Variants in CBL observed in about 807,000 individuals in gnomAD.
The protein encoded by CBL is Cbl proto-oncogene, also known as E3 ubiquitin-protein ligase CBL.
Under a neutral mutation model 96.9 loss-of-function variants are expected in CBL, and 45 were observed. That is an observed-to-expected ratio of 0.46 (90% confidence interval 0.37 to 0.60). CBL has a LOEUF of 0.60. Among genes scored for constraint, CBL ranks in the 20% least tolerant of loss-of-function variants. The probability of loss-of-function intolerance (pLI) is 0.00; values close to 1 mark genes in which losing one functional copy is unlikely to be tolerated. For missense variants in CBL, 1,024 were observed against 1,143.5 expected (o/e 0.90, Z 1.51); for synonymous variants, 420 against 426.8 (o/e 0.98, Z 0.20).
At position 119,285,675 on chromosome 11, in the gene CBL, C is replaced by T. The variant is rs1043158114; in HGVS notation, c.1941+109C>T. The T allele has an allele frequency of 1.5e-5, 19 of 1,259,452 alleles. No individual in the cohort carries two copies. The East Asian group carries it at 2.0e-4, about 13-fold the overall frequency. The allele number at this position is 1,259,452 out of a possible 1,614,324, so 78.0% of individuals were successfully genotyped here. A position where few individuals can be genotyped will look rare whatever the true frequency, so the allele number is the denominator to read the frequency against. On this transcript the variant is annotated intron_variant, in intron 11 of 15. Transcript: ENST00000264033. Reference sequence around the variant, plus strand: ...ATTTGGGAGGCCAAGGTGGGTGGATCGCTTGAGCCGAGGATTTCGAGACCA... The same window carrying T: ...ATTTGGGAGGCCAAGGTGGGTGGATTGCTTGAGCCGAGGATTTCGAGACCA...
chr11:119,283,373 C>T (rs571703892), intron 9 of CBL, among the ~76,000 whole-genome samples: 2 of 152,014 alleles, frequency 1.3e-5, no homozygotes, highest in Non-Finnish European at 2.9e-5. Context: ...GCACTAATAA[C>T]ATGACTAAAT....
chr11:119,246,606 C>T (rs1026612559), intron 2 of CBL, among the ~76,000 whole-genome samples: 1 of 152,152 alleles, frequency 6.6e-6, no homozygotes, highest in Non-Finnish European at 1.5e-5. Context: ...CGTGTGCCAC[C>T]ACACCTGGCT....
intron 2 of CBL, among the ~76,000 whole-genome samples, chr11:119,235,694 C>T (rs550352564): frequency 3.9e-5 from 6 of 152,236 alleles, no homozygotes; most frequent in African/African-American, 1.2e-4. Context: ...ATAAGTGAAT[C>T]CACACAGTTA....
At chr11:119,257,949 G>A (rs562190969) in intron 2 of CBL, among the ~76,000 whole-genome samples, 3 of 152,228 alleles carry the variant, frequency 2.0e-5, no homozygotes, top group Admixed American at 1.3e-4. Context: ...ACTTGTGGCC[G>A]GGTGCTGTGG....
intron 12 of CBL, among the ~76,000 whole-genome samples, chr11:119,294,048 C>G (rs1265628678): frequency 1.3e-5 from 2 of 152,194 alleles, no homozygotes; most frequent in Non-Finnish European, 2.9e-5. Flanking sequence ...TGTCTTCTTT[C>G]TTTTAAAGCA....
intron 15 of CBL, 73 bp from the exon 16 acceptor site, chr11:119,299,422 G>A (rs913983971): frequency 1.5e-6 from 2 of 1,363,920 alleles, no homozygotes; most frequent in Non-Finnish European, 2.1e-6. Context: ...CTTGATATTA[G>A]CACATTTTTA....
intron 2 of CBL, among the ~76,000 whole-genome samples, chr11:119,244,102 C>T (rs147749042): frequency 6.6e-6 from 1 of 152,112 alleles, no homozygotes; most frequent in African/African-American, 2.4e-5. Context: ...AAGAACAGTT[C>T]TGAAAATTTT....
intron 3 of CBL, 60 bp downstream of exon 3, chr11:119,271,941 T>C: frequency 6.7e-7 from 1 of 1,486,436 alleles, no homozygotes; most frequent in Admixed American, 1.7e-5. Flanking sequence ...GTTTTTTCTT[T>C]ACTTTTTTAC....
chr11:119,293,383 C>T (rs1032769099), intron 12 of CBL, among the ~76,000 whole-genome samples: 1 of 152,166 alleles, frequency 6.6e-6, no homozygotes, highest in African/African-American at 2.4e-5. Flanking sequence ...GCTGGGATTA[C>T]AGACGTGAGC....
chr11:119,234,205 C>T (rs888959166), intron 2 of CBL, among the ~76,000 whole-genome samples: 1 of 152,122 alleles, frequency 6.6e-6, no homozygotes, highest in Admixed American at 6.6e-5. Flanking sequence ...TGGTGTTTTG[C>T]CATGTTGGCA....
Position 119,248,925 on chromosome 11 carries a change from A to G in CBL, c.443+16230A>G, listed in dbSNP as rs149230800. Reference sequence around the variant, plus strand: ...TAAGGAAATGCAAATCAAAACCACAATGAGATACCACTTCACAGCTGTTAG... The same window carrying G: ...TAAGGAAATGCAAATCAAAACCACAGTGAGATACCACTTCACAGCTGTTAG... On this transcript the variant is annotated intron_variant, in intron 2 of 15. Transcript: ENST00000264033. 5.7e-3 allele frequency among the ~76,000 whole-genome samples: 869 copies of G among 152,322 alleles called. 9 individuals are homozygous for G. Among genetic ancestry groups the G allele is most frequent in the African/African-American group, 0.016 (666 of 41,564 alleles).
intron 1 of CBL, among the ~76,000 whole-genome samples, chr11:119,218,500 G>GA (rs1449158153): frequency 3.3e-5 from 5 of 152,296 alleles, no homozygotes; most frequent in African/African-American, 1.2e-4. Flanking sequence ...ATATTAAATG[G>GA]AAAATTCCAG....
chr11:119,217,691 T>C (rs939476121), intron 1 of CBL, among the ~76,000 whole-genome samples: 1 of 152,178 alleles, frequency 6.6e-6, no homozygotes, highest in Admixed American at 6.5e-5. Context: ...TGGCGGATTT[T>C]TTTTTTAAAT....
chr11:119,260,023 GATT>G (rs1377622501), intron 2 of CBL, among the ~76,000 whole-genome samples: 2 of 152,146 alleles, frequency 1.3e-5, no homozygotes, highest in Admixed American at 6.5e-5. Flanking sequence ...ATCTTACACA[GATT>G]ATTCACAAAT....
chr11:119,289,039 T>C (rs1280823544), intron 12 of CBL, among the ~76,000 whole-genome samples: 2 of 152,216 alleles, frequency 1.3e-5, no homozygotes, highest in East Asian at 3.9e-4. Context: ...TTTCTAGTTA[T>C]CCTTCTGTTA....
intron 2 of CBL, among the ~76,000 whole-genome samples, chr11:119,239,274 C>G (rs774935935): frequency 3.9e-5 from 6 of 152,004 alleles, no homozygotes; most frequent in Non-Finnish European, 8.8e-5. Flanking sequence ...CCTGGCCTTA[C>G]TTATATCTTC....
chr11:119,260,047 A>C (rs973697939), intron 2 of CBL, among the ~76,000 whole-genome samples: 1 of 152,162 alleles, frequency 6.6e-6, no homozygotes, highest in Non-Finnish European at 1.5e-5. Context: ...CTGTTTTCCC[A>C]AGCTACCTGC....
At chr11:119,290,704 C>G (rs1471642813) in intron 12 of CBL, among the ~76,000 whole-genome samples, 1 of 150,390 alleles carries the variant, frequency 6.6e-6, no homozygotes, top group Non-Finnish European at 1.5e-5. Context: ...GAGACAGAGT[C>G]TTGCTCTGTC....
chr11:119,282,609 A>G (rs1187233687), intron 9 of CBL, among the ~76,000 whole-genome samples: 3 of 152,206 alleles, frequency 2.0e-5, no homozygotes, highest in Non-Finnish European at 4.4e-5. Flanking sequence ...CTTTGGTTGC[A>G]GAGACCAGAT....
Sources: allele counts gnomAD v4.1 joint callset (sites outside exome capture counted in the v4.1 genomes callset), GRCh38; gene constraint gnomAD v4.1.1; transcripts MANE v1.5; gene names NCBI Gene and HGNC (gene_info 2026-07-23, HGNC 2026-07-21).